OVCH2: variants seen among roughly 807,000 people sequenced by gnomAD.
The protein encoded by OVCH2 is ovochymase-2.
OVCH2 carries 88 observed loss-of-function variants against 73.7 expected under a neutral mutation model. The observed-to-expected ratio is 1.19, with a 90% CI of 1.01 to 1.43. The LOEUF (loss-of-function observed/expected upper bound fraction) is 1.43, where lower values mean the gene tolerates loss of function less well. Among genes scored for constraint, OVCH2 ranks in the 40% most tolerant of loss-of-function variants. The pLI is 0.00. For missense variants in OVCH2, 706 were observed against 674.5 expected (o/e 1.05, Z -0.52); for synonymous variants, 265 against 234.5 (o/e 1.13, Z -1.19).
Position 7,698,732 on chromosome 11 carries a change from C to T in OVCH2, c.925+18G>A. 2 of 1,610,514 alleles carry T rather than the reference C, an allele frequency of 1.2e-6. No homozygotes were observed. Among genetic ancestry groups the T allele is most frequent in the Non-Finnish European group, 1.7e-6 (2 of 1,178,258 alleles). On this transcript the variant is annotated intron_variant, in intron 8 of 15. Coordinates refer to ENST00000533663, the MANE Select transcript of OVCH2 (RefSeq NM_198185.7). ...TTAATTTGTGCTCCTGATGGAGCAG[C>T]CTGCAAGGGATACCCACCTCTGGAG...
At chr11:7,696,052 T>C (rs886604144) in intron 10 of OVCH2, among the ~76,000 whole-genome samples, 1 of 152,192 alleles carries the variant, frequency 6.6e-6, no homozygotes, top group Non-Finnish European at 1.5e-5. Context: ...TCCATTTCTG[T>C]TTCTTGTAAG....
intron 7 of OVCH2, 85 bp downstream of exon 7, chr11:7,700,211 G>A: frequency 7.5e-7 from 1 of 1,327,954 alleles, no homozygotes; most frequent in Non-Finnish European, 1.1e-6. Context: ...TGGTTCAGGT[G>A]CTCTGATTTG....
intron 7 of OVCH2, chr11:7,699,626 C>G (rs972961038): frequency 6.6e-6 from 1 of 152,156 alleles, no homozygotes; most frequent in African/African-American, 2.4e-5. Flanking sequence ...GTTGAATCTG[C>G]TGACATGGAA....
intron 6 of OVCH2, among the ~76,000 whole-genome samples, chr11:7,701,066 T>C (rs1220022597): frequency 2.0e-5 from 3 of 152,286 alleles, no homozygotes; most frequent in African/African-American, 7.2e-5. Context: ...ATTCCTGCCT[T>C]ACCTGGAATC....
the OVCH2 span, among the ~76,000 whole-genome samples, chr11:7,682,345 C>T: frequency 0.16 from 24,402 of 152,200 alleles, 2,051 homozygotes; most frequent in Middle Eastern, 0.18. Context: ...ATAAATAACA[C>T]TTTTGTTTTA....
At chr11:7,693,485 G>A (rs892440067) in intron 12 of OVCH2, among the ~76,000 whole-genome samples, 3 of 152,064 alleles carry the variant, frequency 2.0e-5, no homozygotes, top group Non-Finnish European at 1.5e-5. Flanking sequence ...TGAGAGCATC[G>A]CTTCACTGAT....
Position 7,701,442 on chromosome 11 carries a change from T to A in OVCH2, c.593A>T (p.Asn198Ile). The change falls in exon 6 of 16, where the codon AAT (asparagine) becomes ATT (isoleucine). Residue 198 changes from asparagine to isoleucine, a missense_variant. Transcript: ENST00000533663. ...GVLSQVLQEV[N>I]LPILTWEECV... The stretch of plus-strand genomic sequence containing the variant: ...CTCTTCCCAGGTCAAAATAGGCAGA[T>A]TCACTTCCTGCAAGACTTGTGAGAG... 1 of 1,612,296 alleles carries A rather than the reference T, an allele frequency of 6.2e-7. No homozygotes were observed. The highest frequency in any genetic ancestry group is 8.5e-7 in the Non-Finnish European group (1 of 1,179,284).
chr11:7,700,617 C>T, intron 6 of OVCH2, 132 bp from the exon 7 acceptor site: 1 of 996,170 alleles, frequency 1.0e-6, no homozygotes. Flanking sequence ...GACTCAGGGT[C>T]CTGTGTATAC....
chr11:7,691,482 T>C (rs1856220502), intron 13 of OVCH2, 82 bp from the exon 14 acceptor site: 1 of 1,490,062 alleles, frequency 6.7e-7, no homozygotes, highest in Non-Finnish European at 9.0e-7. Context: ...AAAAAGAAAA[T>C]CATCCTTCAG....
At chr11:7,690,368 A>G (rs1376430479) in intron 14 of OVCH2, among the ~76,000 whole-genome samples, 1 of 152,222 alleles carries the variant, frequency 6.6e-6, no homozygotes, top group East Asian at 1.9e-4. Flanking sequence ...TCTGTTATGT[A>G]CTGCACACTT....
intron 12 of OVCH2, among the ~76,000 whole-genome samples, chr11:7,694,355 G>T (rs77822623): frequency 0.014 from 2,109 of 152,144 alleles, 26 homozygotes; most frequent in South Asian, 0.072. Context: ...CCTCCATACA[G>T]TGACTTCCAC....
Position 7,696,943 on chromosome 11 carries a change from T to G in OVCH2, c.926-144A>C, listed in dbSNP as rs1589877020. ...TCATGAAATCTTCTCCTGTCTTTGC[T>G]TCTATGATGCCTTTTTGGTTCCTTT... On this transcript the variant is annotated intron_variant, in intron 8 of 15. Coordinates refer to ENST00000533663, the MANE Select transcript of OVCH2 (RefSeq NM_198185.7). The G allele has an allele frequency of 4.1e-6, 3 of 723,126 alleles. No individual in the cohort carries two copies. In the East Asian group the frequency reaches 8.1e-5, roughly 20 times the overall value. 44.8% of individuals were successfully genotyped at this position (723,126 alleles called of 1,614,324 possible).
downstream of OVCH2, among the ~76,000 whole-genome samples, chr11:7,685,153 T>TG (rs927038097): frequency 6.6e-6 from 1 of 151,102 alleles, no homozygotes; most frequent in African/African-American, 2.4e-5. Flanking sequence ...GGTAGGAGAG[T>TG]GGGGGCACAC....
intron 12 of OVCH2, among the ~76,000 whole-genome samples, chr11:7,693,796 G>A (rs11041536): frequency 6.6e-5 from 10 of 151,890 alleles, no homozygotes; most frequent in South Asian, 4.1e-4. Flanking sequence ...CTGACTTCAC[G>A]TGATATTTCA....
intron 8 of OVCH2, 23 bp from the exon 9 acceptor site, chr11:7,696,822 T>C: frequency 6.3e-7 from 1 of 1,588,390 alleles, no homozygotes; most frequent in South Asian, 1.1e-5. Context: ...GCCAGGAGAG[T>C]CAGGGTTAGT....
At chr11:7,698,803 A>C in intron 7 of OVCH2, 30 bp from the exon 8 acceptor site, 1 of 1,610,838 alleles carries the variant, frequency 6.2e-7, no homozygotes. Flanking sequence ...ATGCAATTGA[A>C]AGCCTGTGGT....
Position 7,690,157 on chromosome 11 carries a change from T to C in OVCH2, c.1640-144A>G, listed in dbSNP as rs991720617. The C allele has an allele frequency of 3.5e-4, 212 of 601,882 alleles. 2 individuals are homozygous for C. The highest frequency in any genetic ancestry group is 3.5e-3 in the African/African-American group (188 of 53,970). 37.3% of individuals were successfully genotyped at this position (601,882 alleles called of 1,614,324 possible). On this transcript the variant is annotated intron_variant, in intron 14 of 15. Transcript: ENST00000533663. ...CTCTATAGGTATTTCAAATGAGGAG[T>C]GGGGCATTTTAACTATAACCTGGCT...
At position 7,700,438 on chromosome 11, in the gene OVCH2, C is replaced by T. The variant is rs750367824; in HGVS notation, c.759G>A (p.Trp253Ter). The change falls in exon 7 of 16, where the codon TGG becomes TGA. Residue 253 changes from tryptophan (W) to a stop codon, truncating the protein, a stop_gained. Coordinates refer to ENST00000533663, the MANE Select transcript of OVCH2 (RefSeq NM_198185.7). LOFTEE classifies it high-confidence loss of function. ...SLMCRNKKGA[W>*]TLAGVTSWGL... ...CCCAGGAAGTCACACCAGCCAGAGTCCAGGCCCCTTTCTTATTCCGGCACA... is the reference window on the plus strand; with the variant it reads ...CCCAGGAAGTCACACCAGCCAGAGTTCAGGCCCCTTTCTTATTCCGGCACA... 1 of 1,611,736 alleles carries T rather than the reference C, an allele frequency of 6.2e-7. No homozygotes were observed. The highest frequency in any genetic ancestry group is 8.5e-7 in the Non-Finnish European group (1 of 1,178,922).
intron 7 of OVCH2, 90 bp from the exon 8 acceptor site, chr11:7,698,863 T>G: frequency 1.4e-6 from 2 of 1,383,868 alleles, no homozygotes; most frequent in Non-Finnish European, 2.0e-6. Context: ...GCACAAGAGA[T>G]TTTTAAGTCA....
Sources: gnomAD v4.1 joint callset for allele counts (sites outside exome capture counted in the v4.1 genomes callset) on GRCh38, gnomAD v4.1.1 for gene constraint, MANE v1.5 for transcripts, NCBI Gene and HGNC (gene_info 2026-07-23, HGNC 2026-07-21) for gene names.